Variants in IL1RAP observed in about 807,000 individuals in gnomAD.
IL1RAP encodes the protein interleukin-1 receptor accessory protein.
IL1RAP carries 35 observed loss-of-function variants against 60.7 expected under a neutral mutation model. The observed-to-expected ratio is 0.58, with a 90% CI of 0.44 to 0.76. The LOEUF is 0.76. IL1RAP is among the 30% of genes least tolerant of loss of function. The pLI, the probability that IL1RAP is intolerant of heterozygous loss-of-function variation, is 0.00. For missense variants in IL1RAP, 572 were observed against 693.9 expected (o/e 0.82, Z 1.97); for synonymous variants, 268 against 250.9 (o/e 1.07, Z -0.64).
At chr3:190,588,257 G>T (rs1226207133) in intron 3 of IL1RAP, among the ~76,000 whole-genome samples, 1 of 152,184 alleles carries the variant, frequency 6.6e-6, no homozygotes, top group Admixed American at 6.5e-5. Flanking sequence ...GGGACTACAG[G>T]CATGCGCCAC....
chr3:190,609,853 T>C (rs1298145576), intron 5 of IL1RAP, among the ~76,000 whole-genome samples: 3 of 151,990 alleles, frequency 2.0e-5, no homozygotes, highest in Admixed American at 2.0e-4. Flanking sequence ...TCAGTGTTTG[T>C]GGGGAAGGAA....
At chr3:190,635,726 A>G (rs1384922074) in intron 9 of IL1RAP, among the ~76,000 whole-genome samples, 1 of 152,192 alleles carries the variant, frequency 6.6e-6, no homozygotes, top group African/African-American at 2.4e-5. Context: ...TTCACTCTTG[A>G]TAGTTATTTG....
Position 190,620,425 on chromosome 3 carries a change from A to T in IL1RAP, c.688A>T (p.Thr230Ser). 1 of 1,611,928 alleles carries T rather than the reference A, an allele frequency of 6.2e-7. No individual in the cohort carries two copies. Reference sequence around the variant, plus strand: ...TACGTTTCATCTCACCAGGACTCTGACTGTAAAGGTAGTAGGTAAGCATGA... The same window carrying T: ...TACGTTTCATCTCACCAGGACTCTGTCTGTAAAGGTAGTAGGTAAGCATGA... ...GRTFHLTRTL[T>S]VKVVGSPKNA... The change falls in exon 6 of 12, where the codon ACT (threonine) becomes TCT (serine). Residue 230 changes from threonine to serine, a missense_variant. Physicochemically the swap from Thr to Ser is moderately conservative, Grantham distance 58. Coordinates refer to ENST00000447382, the MANE Select transcript of IL1RAP (RefSeq NM_002182.4).
At chr3:190,585,989 C>T (rs1728420507) in intron 3 of IL1RAP, among the ~76,000 whole-genome samples, 1 of 152,068 alleles carries the variant, frequency 6.6e-6, no homozygotes, top group South Asian at 2.1e-4. Context: ...CCCCGGCTGA[C>T]TCATGGACTA....
At chr3:190,621,759 T>G (rs2108796908) in intron 6 of IL1RAP, among the ~76,000 whole-genome samples, 1 of 152,340 alleles carries the variant, frequency 6.6e-6, no homozygotes, top group African/African-American at 2.4e-5. Flanking sequence ...TATCCTCATT[T>G]TAGAGTTATG....
chr3:190,516,038 C>G (rs1044441797), intron 1 of IL1RAP, among the ~76,000 whole-genome samples: 3 of 152,178 alleles, frequency 2.0e-5, no homozygotes, highest in African/African-American at 7.2e-5. Context: ...TTCTGATGAA[C>G]TTCATGCAAT....
intron 2 of IL1RAP, among the ~76,000 whole-genome samples, chr3:190,561,490 A>C (rs1372727964): frequency 2.6e-5 from 4 of 152,152 alleles, no homozygotes; most frequent in African/African-American, 9.7e-5. Flanking sequence ...CCTTCAGCAT[A>C]ATCCAGTTAC....
downstream of IL1RAP, among the ~76,000 whole-genome samples, chr3:190,654,646 T>C (rs1004765798): frequency 1.3e-5 from 2 of 152,206 alleles, no homozygotes; most frequent in Non-Finnish European, 2.9e-5. Flanking sequence ...AGCTCCCTTA[T>C]TCCCTGTCAA....
At chr3:190,547,213 T>C (rs1234251460) in intron 1 of IL1RAP, among the ~76,000 whole-genome samples, 1 of 152,170 alleles carries the variant, frequency 6.6e-6, no homozygotes, top group Non-Finnish European at 1.5e-5. Context: ...GAAAGGGGAA[T>C]TGCATGGTGT....
chr3:190,521,299 CA>C lies in IL1RAP; in HGVS notation c.-89+7081del, dbSNP rs372262652. ...TATATGCAAATGTATACACATGTAA[CA>C]TTTTTTTTTTGCAATAATTCTGAGG... is the stretch of plus-strand genomic sequence containing the variant. On this transcript the variant is annotated intron_variant, in intron 1 of 11. Transcript: ENST00000447382. Among the ~76,000 whole-genome samples, 672 of 151,824 alleles carry C rather than the reference CA, an allele frequency of 4.4e-3. 3 individuals carry two copies. The highest frequency in any genetic ancestry group is 9.7e-3 in the African/African-American group (402 of 41,410).
At chr3:190,605,000 G>A (rs1730180526) in intron 4 of IL1RAP, among the ~76,000 whole-genome samples, 1 of 152,084 alleles carries the variant, frequency 6.6e-6, no homozygotes, top group African/African-American at 2.4e-5. Flanking sequence ...GACCTAGAAC[G>A]AACTGGGAGT....
intron 1 of IL1RAP, among the ~76,000 whole-genome samples, chr3:190,542,369 C>A (rs1471939173): frequency 6.6e-6 from 1 of 152,100 alleles, no homozygotes; most frequent in African/African-American, 2.4e-5. Context: ...AGACACTTCA[C>A]CTTTCTGCAC....
At chr3:190,527,328 C>T (rs1196515312) in intron 1 of IL1RAP, among the ~76,000 whole-genome samples, 4 of 152,098 alleles carry the variant, frequency 2.6e-5, no homozygotes, top group African/African-American at 4.8e-5. Flanking sequence ...AGTCGTAAAC[C>T]AAATTTACAA....
intron 7 of IL1RAP, among the ~76,000 whole-genome samples, chr3:190,626,797 A>C (rs1732319727): frequency 6.6e-6 from 1 of 150,428 alleles, no homozygotes; most frequent in East Asian, 2.0e-4. Context: ...CAGCCCCCCA[A>C]GTAGCTGGGA....
chr3:190,556,402 A>C (rs1295842125), intron 2 of IL1RAP, among the ~76,000 whole-genome samples, 186 bp downstream of exon 2: 1 of 152,136 alleles, frequency 6.6e-6, no homozygotes, highest in Non-Finnish European at 1.5e-5. Flanking sequence ...ATGTATACAC[A>C]CACACACACA....
At chr3:190,656,066 C>T (rs1218787042), downstream of IL1RAP, 17 of 1,537,094 alleles carry the variant, frequency 1.1e-5, no homozygotes, top group African/African-American at 5.5e-5. Flanking sequence ...CTTGAGCACC[C>T]GCACCCAGGC....
chr3:190,650,969 C>A lies in IL1RAP; in HGVS notation c.*2264C>A, dbSNP rs1384316964. ...CCCTAGAAATACCTTGATGTTTTTT[C>A]TATTTATATGCCTGCCTTTGGTACT... On this transcript the variant is annotated 3_prime_UTR_variant, in exon 12 of 12. Coordinates refer to ENST00000447382, the MANE Select transcript of IL1RAP (RefSeq NM_002182.4). 3.0e-6 allele frequency: 3 copies of A among 985,170 alleles called. No homozygotes were observed. Among genetic ancestry groups the A allele is most frequent in the South Asian group, 9.4e-5 (2 of 21,286 alleles). The allele number at this position is 985,170 out of a possible 1,614,324, so 61.0% of individuals were successfully genotyped here. A position where few individuals can be genotyped will look rare whatever the true frequency, so the allele number is the denominator to read the frequency against.
At chr3:190,644,115 T>C in intron 9 of IL1RAP, 133 bp from the exon 10 acceptor site, 1 of 1,435,164 alleles carries the variant, frequency 7.0e-7, no homozygotes, top group South Asian at 1.6e-5. Flanking sequence ...AACTCTACAA[T>C]GTTATCTCTG....
chr3:190,562,736 A>G (rs1413028999), intron 2 of IL1RAP, among the ~76,000 whole-genome samples: 1 of 146,814 alleles, frequency 6.8e-6, no homozygotes, highest in East Asian at 2.0e-4. Context: ...ACACACACAC[A>G]TCTGCTACAT....
Sources: gnomAD v4.1 joint callset for allele counts (sites outside exome capture counted in the v4.1 genomes callset) on GRCh38, gnomAD v4.1.1 for gene constraint, MANE v1.5 for transcripts, NCBI Gene and HGNC (gene_info 2026-07-23, HGNC 2026-07-21) for gene names.